The following RAB3C variants were observed in gnomAD, a reference collection of about 807,000 sequenced individuals.
The protein encoded by RAB3C is ras-related protein Rab-3C.
RAB3C carries 17 observed loss-of-function variants against 26.4 expected under a neutral mutation model. The ratio of observed to expected loss-of-function variants is 0.64; its 90% confidence interval spans 0.44 to 0.97. The LOEUF (loss-of-function observed/expected upper bound fraction) is 0.97. Ranked by LOEUF, RAB3C falls within the 50% of genes least tolerant of loss-of-function variation. RAB3C has a pLI of 0.00. For missense variants in RAB3C, 242 were observed against 281.9 expected (o/e 0.86, Z 1.01); for synonymous variants, 91 against 95.9 (o/e 0.95, Z 0.30).
intron 2 of RAB3C, among the ~76,000 whole-genome samples, chr5:58,665,259 G>C (rs1036056672): frequency 6.6e-6 from 1 of 152,144 alleles, no homozygotes; most frequent in African/African-American, 2.4e-5. Context: ...TACCAGGCAG[G>C]TAAGTGGATA....
At chr5:58,582,438 T>TG, upstream of RAB3C, 1 of 985,158 alleles carries the variant, frequency 1.0e-6, no homozygotes, top group Non-Finnish European at 1.2e-6. Context: ...AGGAGTTCCT[T>TG]GGGGTGCTTA....
At chr5:58,696,567 G>C (rs1031002253) in intron 2 of RAB3C, among the ~76,000 whole-genome samples, 6 of 152,060 alleles carry the variant, frequency 3.9e-5, no homozygotes, top group African/African-American at 1.2e-4. Flanking sequence ...CTTTTTGTTT[G>C]GTAGGCTATT....
At chr5:58,653,907 T>G (rs1407064682) in intron 2 of RAB3C, among the ~76,000 whole-genome samples, 1 of 152,220 alleles carries the variant, frequency 6.6e-6, no homozygotes, top group Non-Finnish European at 1.5e-5. Context: ...TCTATTCACA[T>G]GTAATCTACT....
intron 3 of RAB3C, among the ~76,000 whole-genome samples, chr5:58,738,371 G>C (rs1336921084): frequency 1.3e-5 from 2 of 152,172 alleles, no homozygotes; most frequent in African/African-American, 4.8e-5. Flanking sequence ...GACAAAGCTG[G>C]GCTTATATTC....
chr5:58,823,727 G>T, intron 3 of RAB3C: 1 of 183,762 alleles, frequency 5.4e-6, no homozygotes, highest in Admixed American at 5.1e-5. Flanking sequence ...CAATGTTCTA[G>T]GATGATTTTT....
At chr5:58,751,484 G>C (rs1741523387) in intron 3 of RAB3C, among the ~76,000 whole-genome samples, 1 of 152,166 alleles carries the variant, frequency 6.6e-6, no homozygotes, top group African/African-American at 2.4e-5. Context: ...ATTATAGATA[G>C]ATTAGGGTCA....
chr5:58,819,062 G>T (rs537242610), intron 3 of RAB3C, among the ~76,000 whole-genome samples: 18 of 152,344 alleles, frequency 1.2e-4, no homozygotes, highest in African/African-American at 4.3e-4. Flanking sequence ...AATTAGAAAT[G>T]ATGAATTAAG....
At chr5:58,819,629 C>T (rs111249666) in intron 3 of RAB3C, among the ~76,000 whole-genome samples, 42,866 of 152,060 alleles carry the variant, frequency 0.28, 6,310 homozygotes, top group Non-Finnish European at 0.32. Context: ...AATCCCAACA[C>T]TTTGGGAGGC....
intron 2 of RAB3C, among the ~76,000 whole-genome samples, chr5:58,660,415 A>G (rs1747878605): frequency 6.7e-6 from 1 of 150,260 alleles, no homozygotes; most frequent in Non-Finnish European, 1.5e-5. Context: ...ACCCCAAGCC[A>G]TGCAGAAACA....
At chr5:58,797,741 A>G (rs530612017) in intron 3 of RAB3C, among the ~76,000 whole-genome samples, 2 of 152,176 alleles carry the variant, frequency 1.3e-5, no homozygotes, top group African/African-American at 4.8e-5. Context: ...GAGCTCCAAG[A>G]AAGAGGGAAA....
At chr5:58,684,295 G>T (rs950235926) in intron 2 of RAB3C, among the ~76,000 whole-genome samples, 1 of 152,220 alleles carries the variant, frequency 6.6e-6, no homozygotes, top group Non-Finnish European at 1.5e-5. Flanking sequence ...AGCCTGTACA[G>T]ATTTCAGTGT....
At position 58,858,875 on chromosome 5, in the gene RAB3C, C is replaced by T. The variant is rs1744322401; in HGVS notation, c.*7524C>T. ...CACAATATGCAAATTGCTTTAATGC[C>T]ATATTACGGCAGTTGATTTAGACAT... On this transcript the variant is annotated 3_prime_UTR_variant, in exon 5 of 5. Coordinates refer to ENST00000282878, the MANE Select transcript of RAB3C (RefSeq NM_138453.4). 2 of 152,176 alleles carry T rather than the reference C, an allele frequency of 1.3e-5. No homozygotes were observed. The highest frequency in any genetic ancestry group is 4.8e-5 in the African/African-American group (2 of 41,430). The allele number at this position is 152,176 out of a possible 1,614,324, so 9.4% of individuals were successfully genotyped here.
chr5:58,794,060 C>CAGCA (rs1458344141), intron 3 of RAB3C, among the ~76,000 whole-genome samples: 2 of 152,132 alleles, frequency 1.3e-5, no homozygotes, highest in Non-Finnish European at 2.9e-5. Flanking sequence ...GGTCATAAAT[C>CAGCA]AGCAGCAAGT....
chr5:58,781,194 A>G (rs1742262253), intron 3 of RAB3C, among the ~76,000 whole-genome samples: 1 of 152,144 alleles, frequency 6.6e-6, no homozygotes, highest in Non-Finnish European at 1.5e-5. Context: ...GATGCTCATC[A>G]GTGTCCCACC....
chr5:58,637,368 C>T (rs1034868930), intron 2 of RAB3C, among the ~76,000 whole-genome samples: 1 of 152,082 alleles, frequency 6.6e-6, no homozygotes, highest in Non-Finnish European at 1.5e-5. Flanking sequence ...ATCACTCACT[C>T]TCTCTCTAAA....
chr5:58,676,894 T>C (rs158988), intron 2 of RAB3C, among the ~76,000 whole-genome samples: 51,243 of 152,050 alleles, frequency 0.34, 8,954 homozygotes, highest in East Asian at 0.42. Flanking sequence ...TTGCTTAGAA[T>C]GGCCTTTCCC....
At chr5:58,638,902 C>T (rs993150921) in intron 2 of RAB3C, among the ~76,000 whole-genome samples, 8 of 152,200 alleles carry the variant, frequency 5.3e-5, no homozygotes, top group Non-Finnish European at 8.8e-5. Context: ...CCAATGGCAG[C>T]GTGGGCAGGT....
chr5:58,822,843 G>A, intron 3 of RAB3C: 2 of 635,998 alleles, frequency 3.1e-6, no homozygotes, highest in Non-Finnish European at 3.0e-6. Flanking sequence ...CTTCTCGGTA[G>A]GTTTGGCATG....
Position 58,859,180 on chromosome 5 carries a change from T to A in RAB3C, c.*7829T>A, listed in dbSNP as rs1744329412. 1 of 152,236 alleles carries A rather than the reference T, an allele frequency of 6.6e-6. No homozygotes were observed. The allele number at this position is 152,236 out of a possible 1,614,324, so 9.4% of individuals were successfully genotyped here. A position where few individuals can be genotyped will look rare whatever the true frequency, so the allele number is the denominator to read the frequency against. On this transcript the variant is annotated 3_prime_UTR_variant, in exon 5 of 5. Transcript: ENST00000282878. ...AGCAAATATTGTGACTCTTCATGTGTCCACAGGAGCTCTTGTGTGGGTTTA... is the reference window on the plus strand; with the variant it reads ...AGCAAATATTGTGACTCTTCATGTGACCACAGGAGCTCTTGTGTGGGTTTA...
Sources: allele counts gnomAD v4.1 joint callset (sites outside exome capture counted in the v4.1 genomes callset), GRCh38; gene constraint gnomAD v4.1.1; transcripts MANE v1.5; gene names NCBI Gene and HGNC (gene_info 2026-07-23, HGNC 2026-07-21).